Variants in PRMT8 observed in about 807,000 individuals in gnomAD.
The protein encoded by PRMT8 is protein arginine methyltransferase 8, also known as protein arginine N-methyltransferase 8.
PRMT8 carries 7 observed loss-of-function variants against 47.1 expected under a neutral mutation model. The observed-to-expected ratio is 0.15, with a 90% CI of 0.08 to 0.28. The LOEUF (loss-of-function observed/expected upper bound fraction) is 0.28, where lower values mean the gene tolerates loss of function less well. Ranked by LOEUF, PRMT8 falls within the 10% of genes least tolerant of loss-of-function variation. PRMT8 has a pLI of 1.00. For synonymous variants in PRMT8, 188 were observed against 186.5 expected (o/e 1.01, Z -0.07); for missense variants, 237 against 505.4 (o/e 0.47, Z 5.09).
In PRMT8 at chr12:3,397,586, G is replaced by A. The variant is rs538141830; in HGVS notation, c.48+16144G>A. 7.6e-3 allele frequency among the ~76,000 whole-genome samples: 1,146 copies of A among 151,674 alleles called. 7 individuals are homozygous for A. The highest frequency in any genetic ancestry group is 0.011 in the Non-Finnish European group (754 of 67,872). On this transcript the variant is annotated intron_variant, in intron 1 of 9. Coordinates refer to the PRMT8 transcript ENST00000452611. ...TGCCCGTTCTCAGATCTCCAGCTGC[G>A]TGCTGGGAGAACCACTGCTCTCTTC...
At chr12:3,472,933 A>G (rs1865174890) in intron 1 of PRMT8, among the ~76,000 whole-genome samples, 1 of 152,068 alleles carries the variant, frequency 6.6e-6, no homozygotes, top group Non-Finnish European at 1.5e-5. Flanking sequence ...TATGAGGGGA[A>G]TTCTACCAGT....
intron 1 of PRMT8, among the ~76,000 whole-genome samples, chr12:3,403,876 CAAAA>C (rs1315547758): frequency 1.3e-5 from 1 of 75,184 alleles, no homozygotes; most frequent in African/African-American, 5.6e-5. Flanking sequence ...GACTCTGTCT[CAAAA>C]AAAAAAAAAA....
Position 3,467,648 on chromosome 12 carries a change from C to A in PRMT8, c.49-72958C>A, listed in dbSNP as rs569831910. 4.6e-5 allele frequency among the ~76,000 whole-genome samples: 7 copies of A among 152,320 alleles called. No individual in the cohort carries two copies. The South Asian group carries it at 1.5e-3, about 32-fold the overall frequency. On this transcript the variant is annotated intron_variant, in intron 1 of 9. Transcript: ENST00000452611. ...AAGGACAGAATTCCCAGGCCCCTGT[C>A]GACTGTGGACTTTCCACTTAGAGAC... is the stretch of plus-strand genomic sequence containing the variant.
At chr12:3,498,936 T>C (rs371128546) in intron 1 of PRMT8, among the ~76,000 whole-genome samples, 3 of 152,198 alleles carry the variant, frequency 2.0e-5, no homozygotes, top group East Asian at 1.9e-4. Context: ...ATGGAGAATC[T>C]GTTCCTTGCC....
intron 1 of PRMT8, among the ~76,000 whole-genome samples, chr12:3,521,725 C>T (rs1387566893): frequency 6.6e-6 from 1 of 152,178 alleles, no homozygotes; most frequent in Non-Finnish European, 1.5e-5. Context: ...AAGGCCATTT[C>T]AAATCATTCA....
intron 1 of PRMT8, among the ~76,000 whole-genome samples, chr12:3,478,855 T>C (rs1473421273): frequency 6.6e-6 from 1 of 152,246 alleles, no homozygotes; most frequent in African/African-American, 2.4e-5. Context: ...TGGCATCTAC[T>C]TGAAATCAGT....
chr12:3,541,518 C>T (rs2137165929), intron 2 of PRMT8, among the ~76,000 whole-genome samples: 1 of 152,330 alleles, frequency 6.6e-6, no homozygotes, highest in African/African-American at 2.4e-5. Flanking sequence ...CAGTTCTAAG[C>T]ACATTATACG....
chr12:3,470,408 G>A (rs1301844479), intron 1 of PRMT8, among the ~76,000 whole-genome samples: 1 of 152,174 alleles, frequency 6.6e-6, no homozygotes, highest in African/African-American at 2.4e-5. Context: ...GGAAGAGGTC[G>A]GATGGTAGGG....
At chr12:3,382,852 A>T (rs1007739607) in intron 1 of PRMT8, among the ~76,000 whole-genome samples, 3 of 152,128 alleles carry the variant, frequency 2.0e-5, no homozygotes, top group Non-Finnish European at 2.9e-5. Flanking sequence ...GTTGTATATA[A>T]CTCCATGATA....
Position 3,538,849 on chromosome 12 carries a change from G to A in PRMT8, c.76-1757G>A, listed in dbSNP as rs749773006. 6 of 457,138 alleles carry A rather than the reference G, an allele frequency of 1.3e-5. No homozygotes were observed. Among genetic ancestry groups the A allele is most frequent in the African/African-American group, 4.0e-5 (2 of 50,122 alleles). The allele number at this position is 457,138 out of a possible 1,614,324, so 28.3% of individuals were successfully genotyped here. ...CAGCCCCACTCGCCTTTGCCAGCCC[G>A]CCCGGGATCTCACCGACGTGAAATC... On this transcript the variant is annotated intron_variant, in intron 1 of 9. Transcript: ENST00000382622. This position sits in a 1 kb window ranked among gnomAD's most constrained non-coding sequence, Gnocchi z 4.6.
rs1047109939 is a variant in PRMT8 at position 3,424,447 on chromosome 12, C to T, written c.48+43005C>T. Among the ~76,000 whole-genome samples the T allele has an allele frequency of 6.6e-5, 10 of 152,264 alleles. 1 individual carries two copies. The South Asian group carries it at 1.5e-3, about 22-fold the overall frequency. ...AATTCGTGACAAATGTACTTATTTT[C>T]GGTCATATAGCCTTTTTTCCAATTA... On this transcript the variant is annotated intron_variant, in intron 1 of 9. Coordinates refer to the PRMT8 transcript ENST00000452611.
chr12:3,384,775 G>A (rs185645943), intron 1 of PRMT8, among the ~76,000 whole-genome samples: 81 of 152,278 alleles, frequency 5.3e-4, no homozygotes, highest in Admixed American at 3.0e-3. Context: ...CCCATGAATA[G>A]TTTAATCCAG....
chr12:3,550,501 A>G lies in PRMT8; in HGVS notation c.417+410A>G. 5.2e-6 allele frequency: 1 copy of G among 190,920 alleles called. No individual in the cohort carries two copies. Among genetic ancestry groups the G allele is most frequent in the South Asian group, 1.3e-4 (1 of 7,858 alleles). 11.8% of individuals were successfully genotyped at this position (190,920 alleles called of 1,614,324 possible). A position where few individuals can be genotyped will look rare whatever the true frequency, so the allele number is the denominator to read the frequency against. On this transcript the variant is annotated intron_variant, in intron 3 of 9. Transcript: ENST00000382622. This position sits in a 1 kb window ranked among gnomAD's most constrained non-coding sequence, Gnocchi z 5.1. The stretch of plus-strand genomic sequence containing the variant: ...CCTGCACCTCACTTTTTCTCCATCT[A>G]TAAAATGAGCTTAATAGCAGTCCCT...
intron 1 of PRMT8, among the ~76,000 whole-genome samples, chr12:3,441,223 A>T (rs919230562): frequency 5.9e-5 from 9 of 151,376 alleles, no homozygotes; most frequent in African/African-American, 2.0e-4. Flanking sequence ...TAATCACTAC[A>T]GTTATGTATT....
At chr12:3,478,261 C>CATCTATCTATCTATCTATCT (rs760728898) in intron 1 of PRMT8, among the ~76,000 whole-genome samples, 2 of 127,504 alleles carry the variant, frequency 1.6e-5, no homozygotes, top group Admixed American at 8.0e-5. Flanking sequence ...ATCCACCTAT[C>CATCTATCTATCTATCTATCT]ATCTATCTAT....
chr12:3,490,769 A>C (rs1018713488), upstream of PRMT8, among the ~76,000 whole-genome samples: 2 of 150,554 alleles, frequency 1.3e-5, no homozygotes, highest in Non-Finnish European at 3.0e-5. Flanking sequence ...GAAGGAGTTA[A>C]GGACCCTCCC....
upstream of PRMT8, among the ~76,000 whole-genome samples, chr12:3,490,721 A>AGAGAGAGAGAG (rs1565420884): frequency 2.1e-5 from 2 of 96,476 alleles, no homozygotes; most frequent in African/African-American, 3.4e-5. Flanking sequence ...GAGAGAGAGA[A>AGAGAGAGAGAG]AAGGATAAAG....
chr12:3,518,364 G>A (rs939303899), intron 1 of PRMT8, among the ~76,000 whole-genome samples: 1 of 150,974 alleles, frequency 6.6e-6, no homozygotes, highest in Admixed American at 6.6e-5. Flanking sequence ...AAATTTGTGA[G>A]TGTACCTCTA....
In PRMT8 at chr12:3,411,207, C is replaced by T. The variant is rs185716623; in HGVS notation, c.48+29765C>T. 1.8e-3 allele frequency among the ~76,000 whole-genome samples: 275 copies of T among 152,264 alleles called. 1 individual carries two copies. Among genetic ancestry groups the T allele is most frequent in the South Asian group, 4.6e-3 (22 of 4,820 alleles). ...TTTGGTTACAGCAGTTTGACAAGGCCGCTAAAAGCTCATTCACTTCTCAGC... is the reference window on the plus strand; with the variant it reads ...TTTGGTTACAGCAGTTTGACAAGGCTGCTAAAAGCTCATTCACTTCTCAGC... On this transcript the variant is annotated intron_variant, in intron 1 of 9. Transcript: ENST00000452611.
Sources: gnomAD v4.1 joint callset for allele counts (sites outside exome capture counted in the v4.1 genomes callset) on GRCh38, gnomAD v4.1.1 for gene constraint, Gnocchi (gnomAD v3.1) non-coding constraint, MANE v1.5 for transcripts, NCBI Gene and HGNC (gene_info 2026-07-23, HGNC 2026-07-21) for gene names.